Variants in CYB5R4 observed in about 807,000 individuals in gnomAD.
CYB5R4 encodes N-terminal cytochrome b5 and cytochrome b5 oxidoreductase domain-containing protein.
A neutral mutation model predicts 70.2 loss-of-function variants in CYB5R4; 55 were observed. The observed-to-expected ratio is 0.78, with a 90% CI of 0.63 to 0.98. The LOEUF is 0.98. Among genes scored for constraint, CYB5R4 ranks in the 50% least tolerant of loss-of-function variants. The probability of loss-of-function intolerance (pLI) is 0.00; values close to 1 mark genes in which losing one functional copy is unlikely to be tolerated. For synonymous variants in CYB5R4, 197 were observed against 199.5 expected, an observed-to-expected ratio of 0.99 and a Z score of 0.11; for missense variants, 562 against 612.6, an observed-to-expected ratio of 0.92 and a Z score of 0.87.
intron 10 of CYB5R4, among the ~76,000 whole-genome samples, chr6:83,928,014 T>G (rs1296411015): frequency 6.6e-6 from 1 of 152,138 alleles, no homozygotes. Context: ...ACTTAGGAGA[T>G]TACAGAAAGT....
At chr6:83,866,237 C>T (rs956080455) in intron 2 of CYB5R4, among the ~76,000 whole-genome samples, 8 of 152,108 alleles carry the variant, frequency 5.3e-5, no homozygotes, top group South Asian at 2.1e-4. Context: ...TACAGTTAGA[C>T]TTTATTATTC....
At chr6:83,914,944 C>T (rs145473230) in intron 5 of CYB5R4, among the ~76,000 whole-genome samples, 1 of 151,572 alleles carries the variant, frequency 6.6e-6, no homozygotes, top group African/African-American at 2.4e-5. Context: ...CTCTTATCGT[C>T]GTGCCTTCTG....
intron 3 of CYB5R4, among the ~76,000 whole-genome samples, chr6:83,898,495 G>A (rs1400415215): frequency 6.6e-6 from 1 of 152,192 alleles, no homozygotes; most frequent in Non-Finnish European, 1.5e-5. Context: ...TTCCAGTTCT[G>A]TGAAGAAAGT....
At chr6:83,957,657 C>T (rs1449479213) in intron 15 of CYB5R4, among the ~76,000 whole-genome samples, 2 of 149,256 alleles carry the variant, frequency 1.3e-5, no homozygotes, top group African/African-American at 5.0e-5. Flanking sequence ...TTGACCAGAA[C>T]CTATATGGCT....
At chr6:83,947,508 A>C (rs1232155615) in intron 14 of CYB5R4, among the ~76,000 whole-genome samples, 3 of 152,240 alleles carry the variant, frequency 2.0e-5, no homozygotes, top group Admixed American at 1.3e-4. Context: ...CTTCATGACT[A>C]AAACTCCAAA....
At chr6:83,925,678 A>AT (rs901168745) in intron 10 of CYB5R4, among the ~76,000 whole-genome samples, 2 of 152,036 alleles carry the variant, frequency 1.3e-5, no homozygotes, top group Non-Finnish European at 2.9e-5. Flanking sequence ...CTGGGTATAC[A>AT]TTTTTTGTGC....
intron 9 of CYB5R4, among the ~76,000 whole-genome samples, chr6:83,923,020 T>C (rs1355293273): frequency 6.6e-6 from 1 of 151,658 alleles, no homozygotes; most frequent in Admixed American, 6.6e-5. Flanking sequence ...TTTTTTTCTC[T>C]CTTTAACCTT....
rs553126216 is a variant in CYB5R4, at chr6:83,955,332, T to C, written c.1381T>C (p.Ser461Pro). The C allele has an allele frequency of 1.2e-6, 2 of 1,613,930 alleles. No individual in the cohort carries two copies. Among genetic ancestry groups the C allele is most frequent in the South Asian group, 1.1e-5 (1 of 91,078 alleles). ...DVEFVLSAPI[S>P]EWNGKQGHIS... The stretch of plus-strand genomic sequence containing the variant: ...TGAATTTGTTCTCTCAGCACCTATT[T>C]CTGAATGGAATGGCAAACAGGGACA... The change falls in exon 15 of 16, where the codon TCT (serine) becomes CCT (proline). Residue 461 changes from serine to proline, a missense_variant. By Grantham distance (74) the Ser-to-Pro change is moderately conservative. Transcript: ENST00000369681.
intron 9 of CYB5R4, 69 bp downstream of exon 9, chr6:83,922,539 G>A: frequency 3.9e-6 from 4 of 1,035,960 alleles, no homozygotes; most frequent in East Asian, 2.5e-5. Context: ...AGAGAGATAC[G>A]AAAAAATTGA....
chr6:83,944,165 A>T (rs550460272), intron 14 of CYB5R4, among the ~76,000 whole-genome samples: 33 of 151,456 alleles, frequency 2.2e-4, no homozygotes, highest in African/African-American at 7.8e-4. Context: ...AAGGAAAAAA[A>T]TGTTAAGGGC....
intron 3 of CYB5R4, among the ~76,000 whole-genome samples, chr6:83,894,038 A>G (rs3757002): frequency 0.15 from 23,380 of 152,152 alleles, 3,512 homozygotes; most frequent in African/African-American, 0.37. Flanking sequence ...GGATTGCTAT[A>G]TATTCAGCCT....
At chr6:83,894,666 AAC>A (rs2099461589) in intron 3 of CYB5R4, among the ~76,000 whole-genome samples, 1 of 152,194 alleles carries the variant, frequency 6.6e-6, no homozygotes, top group South Asian at 2.1e-4. Context: ...TTATAACATA[AAC>A]AGTCAATTAA....
At chr6:83,918,270 T>C (rs2099465816) in intron 6 of CYB5R4, among the ~76,000 whole-genome samples, 1 of 152,116 alleles carries the variant, frequency 6.6e-6, no homozygotes, top group Non-Finnish European at 1.5e-5. Context: ...AACTGAAGTT[T>C]GATCCATTTT....
At chr6:83,868,611 A>G (rs991821899) in intron 2 of CYB5R4, among the ~76,000 whole-genome samples, 2 of 152,084 alleles carry the variant, frequency 1.3e-5, no homozygotes, top group Non-Finnish European at 2.9e-5. Flanking sequence ...TTGTAGGGGG[A>G]TTACTGCTTT....
At chr6:83,903,299 T>A (rs2099463288) in intron 3 of CYB5R4, among the ~76,000 whole-genome samples, 1 of 152,168 alleles carries the variant, frequency 6.6e-6, no homozygotes, top group African/African-American at 2.4e-5. Context: ...TTTTTCATTC[T>A]GTTGATGTGA....
chr6:83,885,211 C>T (rs913806474), intron 2 of CYB5R4, among the ~76,000 whole-genome samples: 4 of 152,082 alleles, frequency 2.6e-5, no homozygotes, highest in Admixed American at 6.5e-5. Context: ...TAATAGATGA[C>T]GACTGTATTC....
At chr6:83,893,370 C>A in intron 2 of CYB5R4, 152 bp from the exon 3 acceptor site, 1 of 549,484 alleles carries the variant, frequency 1.8e-6, no homozygotes, top group Admixed American at 3.5e-5. Context: ...GATGAAATCT[C>A]AGATCCTTTA....
intron 14 of CYB5R4, among the ~76,000 whole-genome samples, chr6:83,941,642 C>A (rs2099469785): frequency 6.6e-6 from 1 of 152,192 alleles, no homozygotes; most frequent in Admixed American, 6.5e-5. Flanking sequence ...CTCCCATCAT[C>A]CTCCACTTTG....
In CYB5R4 at chr6:83,964,887, G is replaced by A. The variant is rs2099473835; in HGVS notation, c.*5009G>A. On this transcript the variant is annotated 3_prime_UTR_variant, in exon 16 of 16. Transcript: ENST00000369681. The stretch of plus-strand genomic sequence containing the variant: ...GGCCATGGCTGAAAGGGGCCAACAT[G>A]AAGCTCAGGCCATGGCTTCAGAGGG... 6.6e-6 allele frequency: 1 copy of A among 152,342 alleles called. No homozygotes were observed. The highest frequency in any genetic ancestry group is 1.5e-5 in the Non-Finnish European group (1 of 68,130). 9.4% of individuals were successfully genotyped at this position (152,342 alleles called of 1,614,324 possible).
Sources: gnomAD v4.1 joint callset for allele counts (sites outside exome capture counted in the v4.1 genomes callset) on GRCh38, gnomAD v4.1.1 for gene constraint, MANE v1.5 for transcripts, NCBI Gene and HGNC (gene_info 2026-07-23, HGNC 2026-07-21) for gene names.